The following ESRRG variants were observed in gnomAD, a reference collection of about 807,000 sequenced individuals.
ESRRG encodes the protein estrogen-related receptor gamma.
ESRRG carries 13 observed loss-of-function variants against 44.0 expected under a neutral mutation model. The observed-to-expected ratio is 0.30, with a 90% CI of 0.19 to 0.47. The LOEUF (loss-of-function observed/expected upper bound fraction) is 0.47, where lower values mean the gene tolerates loss of function less well. ESRRG is among the 20% of genes least tolerant of loss of function. ESRRG has a pLI of 1.00. For missense variants in ESRRG, 395 were observed against 580.6 expected (o/e 0.68, Z 3.29); for synonymous variants, 215 against 214.6 (o/e 1.00, Z -0.02).
chr1:217,130,037 T>G (rs762830876), intron 1 of ESRRG, among the ~76,000 whole-genome samples: 3 of 152,178 alleles, frequency 2.0e-5, no homozygotes, highest in Non-Finnish European at 4.4e-5. Context: ...GCAAAAAGCT[T>G]CTTCTTCCTA....
At chr1:217,093,202 G>A (rs926790808), upstream of ESRRG, among the ~76,000 whole-genome samples, 3 of 152,260 alleles carry the variant, frequency 2.0e-5, no homozygotes, top group East Asian at 1.9e-4. Context: ...GCTAGTGCTC[G>A]CTGTGTGACC....
rs1015913135 is a variant in ESRRG, at chr1:216,505,252, T to C, written c.*1687A>G. ...CGACTGTAGATTTCGGGGCATCTAA[T>C]TGATTTCTTCATTAGATTACACCTC... On this transcript the variant is annotated 3_prime_UTR_variant, in exon 7 of 7. Transcript: ENST00000408911. 1 of 152,618 alleles carries C rather than the reference T, an allele frequency of 6.6e-6. No homozygotes were observed. The highest frequency in any genetic ancestry group is 1.5e-5 in the Non-Finnish European group (1 of 68,036). The allele number at this position is 152,618 out of a possible 1,614,324, so 9.5% of individuals were successfully genotyped here.
intron 2 of ESRRG, among the ~76,000 whole-genome samples, chr1:216,745,772 C>G (rs898687169): frequency 1.3e-5 from 2 of 152,160 alleles, no homozygotes; most frequent in African/African-American, 4.8e-5. Context: ...GTAAAAGACA[C>G]ACTCAATAAA....
intron 2 of ESRRG, among the ~76,000 whole-genome samples, chr1:216,776,956 C>A (rs2093637591): frequency 6.6e-6 from 1 of 152,094 alleles, no homozygotes; most frequent in Non-Finnish European, 1.5e-5. Flanking sequence ...CAAACGAGGG[C>A]ATCTCTAGGC....
chr1:217,075,274 T>C (rs1250366951), intron 1 of ESRRG, among the ~76,000 whole-genome samples: 1 of 152,216 alleles, frequency 6.6e-6, no homozygotes. Flanking sequence ...TTCCATATGT[T>C]ATCTCATGTA....
chr1:216,519,115 A>T (rs746354577), intron 6 of ESRRG, 37 bp downstream of exon 6: 6 of 1,549,182 alleles, frequency 3.9e-6, no homozygotes, highest in Admixed American at 3.6e-5. Context: ...CTGACATATT[A>T]AAAAAAATGT....
At chr1:217,033,533 G>C (rs889513283) in intron 1 of ESRRG, among the ~76,000 whole-genome samples, 1 of 152,144 alleles carries the variant, frequency 6.6e-6, no homozygotes, top group Non-Finnish European at 1.5e-5. Flanking sequence ...GCCCAAAAAA[G>C]ATGTGAAATA....
At chr1:216,617,730 A>G (rs2061611786) in intron 3 of ESRRG, among the ~76,000 whole-genome samples, 1 of 152,210 alleles carries the variant, frequency 6.6e-6, no homozygotes, top group African/African-American at 2.4e-5. Context: ...CTATTTAAGT[A>G]ACCCACATAT....
At chr1:216,678,444 TA>T (rs1478869573) in intron 1 of ESRRG, among the ~76,000 whole-genome samples, 4 of 152,194 alleles carry the variant, frequency 2.6e-5, no homozygotes, top group Admixed American at 6.5e-5. Flanking sequence ...TATTTTGTCC[TA>T]AAAAATATAT....
At chr1:216,681,765 TAG>T (rs374137306) in intron 1 of ESRRG, 1 of 105,914 alleles carries the variant, frequency 9.4e-6, no homozygotes, top group Non-Finnish European at 1.9e-5. Context: ...TGTGTGCACA[TAG>T]AGAGAGTGAG....
intron 2 of ESRRG, among the ~76,000 whole-genome samples, chr1:216,921,726 A>T (rs2061876633): frequency 6.6e-6 from 1 of 152,180 alleles, no homozygotes; most frequent in Admixed American, 6.5e-5. Flanking sequence ...TGAATTTTTT[A>T]AAATATATTG....
rs543478849 is a variant in ESRRG, at chr1:216,990,300, T to A, written c.-105-50627A>T. On this transcript the variant is annotated intron_variant, in intron 1 of 7. Coordinates refer to the ESRRG transcript ENST00000359162. ...AATGAGTCCTATTGTTAAAGTTGAA[T>A]AACAGCACTACTTATCCAAATTTCA... is the stretch of plus-strand genomic sequence containing the variant. Among the ~76,000 whole-genome samples, 60 of 152,332 alleles carry A rather than the reference T, an allele frequency of 3.9e-4. 1 individual carries two copies. Among genetic ancestry groups the A allele is most frequent in the Middle Eastern group, 3.4e-3 (1 of 294 alleles).
At chr1:216,848,872 T>C (rs187100995) in intron 2 of ESRRG, among the ~76,000 whole-genome samples, 13 of 152,178 alleles carry the variant, frequency 8.5e-5, no homozygotes, top group Non-Finnish European at 1.6e-4. Context: ...TGGATATGCA[T>C]TAGAAATATA....
chr1:216,816,196 G>A (rs551659672), intron 2 of ESRRG, among the ~76,000 whole-genome samples: 1 of 152,270 alleles, frequency 6.6e-6, no homozygotes, highest in African/African-American at 2.4e-5. Flanking sequence ...TCACATCCTG[G>A]AGTACTGTAT....
intron 3 of ESRRG, among the ~76,000 whole-genome samples, chr1:216,634,214 T>C (rs1275183665): frequency 2.6e-5 from 4 of 152,314 alleles, no homozygotes; most frequent in African/African-American, 7.2e-5. Flanking sequence ...CTTCGGGTTA[T>C]CTTGGATGAA....
rs1355465386 is a variant in ESRRG at position 216,847,878 on chromosome 1, G to A, written c.-14+91704C>T. Among the ~76,000 whole-genome samples the A allele has an allele frequency of 2.0e-5, 3 of 152,136 alleles. No homozygotes were observed. The East Asian group carries it at 5.8e-4, about 29-fold the overall frequency. ...TCTAGTGTACAATAATATGTTCAGG[G>A]AGCAGAAGAGGGACACTCCATTCTT... On this transcript the variant is annotated intron_variant, in intron 2 of 7. Coordinates refer to the ESRRG transcript ENST00000359162.
chr1:216,564,442 C>T lies in ESRRG; in HGVS notation c.701-62G>A, dbSNP rs1209931353. 3.8e-6 allele frequency: 5 copies of T among 1,331,368 alleles called. No individual in the cohort carries two copies. The African/African-American group carries it at 4.5e-5, about 12-fold the overall frequency. The allele number at this position is 1,331,368 out of a possible 1,614,324, so 82.5% of individuals were successfully genotyped here. A position where few individuals can be genotyped will look rare whatever the true frequency, so the allele number is the denominator to read the frequency against. ...TAGTATCATCCCTCTTTTATAAACC[C>T]TAGAGCATTTTGTGTTTTGAAAAAC... is the stretch of plus-strand genomic sequence containing the variant. On this transcript the variant is annotated intron_variant, in intron 4 of 6. Coordinates refer to ENST00000408911, the MANE Select transcript of ESRRG (RefSeq NM_001438.4).
In ESRRG at chr1:216,653,356, C is replaced by T. The variant is rs1306195131; in HGVS notation, c.473-2267G>A. ...TGTCATCTTCCTTTCCCTAGGACTG[C>T]TTTGATCACGTCATTATGCTGATTT... On this transcript the variant is annotated intron_variant, in intron 2 of 6. Transcript: ENST00000408911. Among the ~76,000 whole-genome samples the T allele has an allele frequency of 2.0e-5, 3 of 152,292 alleles. 1 individual carries two copies. Among genetic ancestry groups the T allele is most frequent in the South Asian group, 4.1e-4 (2 of 4,828 alleles).
intron 2 of ESRRG, among the ~76,000 whole-genome samples, chr1:216,782,351 A>G (rs1467794893): frequency 6.6e-6 from 1 of 151,984 alleles, no homozygotes; most frequent in African/African-American, 2.4e-5. Flanking sequence ...TGGGGTGATA[A>G]GTATTTTCTC....
Sources: allele counts gnomAD v4.1 joint callset (sites outside exome capture counted in the v4.1 genomes callset), GRCh38; gene constraint gnomAD v4.1.1; transcripts MANE v1.5; gene names NCBI Gene and HGNC (gene_info 2026-07-23, HGNC 2026-07-21).